NKAIN2: variants seen among roughly 807,000 people sequenced by gnomAD.
NKAIN2 encodes the protein sodium/potassium transporting ATPase interacting 2, also known as sodium/potassium-transporting ATPase subunit beta-1-interacting protein 2.
In NKAIN2, 14 loss-of-function variants were observed where a neutral mutation model predicts 32.6. The observed-to-expected ratio is 0.43, with a 90% CI of 0.28 to 0.67. The LOEUF is 0.67. Ranked by LOEUF, NKAIN2 falls within the 30% of genes least tolerant of loss-of-function variation. NKAIN2 has a pLI of 0.17. For synonymous variants in NKAIN2, 80 were observed against 87.2 expected (o/e 0.92, Z 0.46); for missense variants, 198 against 258.3 (o/e 0.77, Z 1.60).
chr6:124,608,467 T>C (rs1200083376), intron 3 of NKAIN2, among the ~76,000 whole-genome samples: 1 of 152,044 alleles, frequency 6.6e-6, no homozygotes, highest in Non-Finnish European at 1.5e-5. Context: ...CAAAGGACAA[T>C]AATTCAAATA....
chr6:124,104,490 G>A (rs537912814), intron 1 of NKAIN2, among the ~76,000 whole-genome samples: 1 of 152,106 alleles, frequency 6.6e-6, no homozygotes, highest in East Asian at 1.9e-4. Context: ...TATGGGTTAG[G>A]GGATTATGGA....
At chr6:124,086,980 C>T (rs1784215157) in intron 1 of NKAIN2, among the ~76,000 whole-genome samples, 1 of 151,710 alleles carries the variant, frequency 6.6e-6, no homozygotes, top group South Asian at 2.1e-4. Context: ...GAAAAGAAAC[C>T]ATAGGCTAAT....
intron 2 of NKAIN2, among the ~76,000 whole-genome samples, chr6:124,344,103 G>T (rs375622812): frequency 0.012 from 1,817 of 151,266 alleles, 34 homozygotes; most frequent in African/African-American, 0.04. Flanking sequence ...TTTCCCCATT[G>T]CTTGTTTTTC....
intron 1 of NKAIN2, among the ~76,000 whole-genome samples, chr6:124,177,034 CG>C (rs1302914020): frequency 5.3e-5 from 8 of 151,974 alleles, no homozygotes; most frequent in Non-Finnish European, 1.2e-4. Flanking sequence ...TTTCAGACTA[CG>C]TGTCCTACTT....
rs542338463 is a variant in NKAIN2, at chr6:124,165,785, C to A, written c.55-117220C>A. ...TGTGGTGTTTGGTTTTTTGTCCTTG[C>A]GATAGTTTACTGAGAATGATGATTT... On this transcript the variant is annotated intron_variant, in intron 1 of 6. Transcript: ENST00000368417. Among the ~76,000 whole-genome samples, 4 of 146,786 alleles carry A rather than the reference C, an allele frequency of 2.7e-5. No homozygotes were observed. In the East Asian group the frequency reaches 6.0e-4, roughly 22 times the overall value.
chr6:123,994,534 T>C (rs1328502327), intron 1 of NKAIN2, among the ~76,000 whole-genome samples: 2 of 152,244 alleles, frequency 1.3e-5, no homozygotes, highest in South Asian at 2.1e-4. Flanking sequence ...ACTTTTTCCC[T>C]GGGAGTTAGA....
chr6:124,604,526 C>T (rs1054214611), intron 3 of NKAIN2, among the ~76,000 whole-genome samples: 1 of 151,796 alleles, frequency 6.6e-6, no homozygotes, highest in Non-Finnish European at 1.5e-5. Flanking sequence ...TTCCTCACCT[C>T]ATCAGAATAG....
At chr6:124,557,508 T>C (rs1780520496) in intron 3 of NKAIN2, among the ~76,000 whole-genome samples, 1 of 152,096 alleles carries the variant, frequency 6.6e-6, no homozygotes, top group African/African-American at 2.4e-5. Context: ...ACAAAAAAAG[T>C]CCCTAAACTA....
At chr6:124,390,613 A>G (rs1773099725) in intron 3 of NKAIN2, 1 of 152,138 alleles carries the variant, frequency 6.6e-6, no homozygotes, top group South Asian at 2.1e-4. Flanking sequence ...TATTGACTAC[A>G]GAATAGATTA....
chr6:124,219,901 T>C (rs78538704), intron 1 of NKAIN2, among the ~76,000 whole-genome samples: 2,113 of 152,222 alleles, frequency 0.014, 53 homozygotes, highest in African/African-American at 0.049. Flanking sequence ...AAACAACAAA[T>C]TTAGATACGA....
intron 3 of NKAIN2, among the ~76,000 whole-genome samples, chr6:124,575,560 G>C (rs1781299566): frequency 6.6e-6 from 1 of 152,188 alleles, no homozygotes; most frequent in Non-Finnish European, 1.5e-5. Context: ...TCTGCATGAA[G>C]TGTGTGCTCT....
chr6:123,840,539 G>C (rs187119688), intron 1 of NKAIN2, among the ~76,000 whole-genome samples: 1 of 151,888 alleles, frequency 6.6e-6, no homozygotes, highest in Non-Finnish European at 1.5e-5. Context: ...TTTTAACTTC[G>C]TTATATTTTT....
chr6:124,239,987 T>G (rs536947026), intron 1 of NKAIN2, among the ~76,000 whole-genome samples: 1 of 152,122 alleles, frequency 6.6e-6, no homozygotes, highest in African/African-American at 2.4e-5. Context: ...AAAAAATAGA[T>G]AGACCACTAG....
intron 1 of NKAIN2, among the ~76,000 whole-genome samples, chr6:123,878,564 T>C (rs17086257): frequency 0.3 from 45,064 of 151,942 alleles, 7,379 homozygotes; most frequent in East Asian, 0.6. Context: ...TTTAAAACCC[T>C]TTTCCTGCAG....
chr6:124,658,960 A>AAT (rs1554246095), intron 4 of NKAIN2: 1 of 146,820 alleles, frequency 6.8e-6, no homozygotes, highest in Non-Finnish European at 1.5e-5. Flanking sequence ...TGTAACAATA[A>AAT]AAAAAAAAAA....
chr6:124,239,977 A>T (rs1353518871), intron 1 of NKAIN2, among the ~76,000 whole-genome samples: 1 of 152,194 alleles, frequency 6.6e-6, no homozygotes, highest in Non-Finnish European at 1.5e-5. Flanking sequence ...GAAAGGATTG[A>T]AAAAATAGAT....
At chr6:124,031,417 T>G (rs1408376017) in intron 1 of NKAIN2, among the ~76,000 whole-genome samples, 1 of 152,198 alleles carries the variant, frequency 6.6e-6, no homozygotes, top group Non-Finnish European at 1.5e-5. Context: ...CCTTCAGTTC[T>G]GCTCTGATCT....
At chr6:124,138,454 G>C (rs1047769310) in intron 1 of NKAIN2, among the ~76,000 whole-genome samples, 1 of 151,912 alleles carries the variant, frequency 6.6e-6, no homozygotes, top group African/African-American at 2.4e-5. Flanking sequence ...ACTAAAAGTA[G>C]AACTACCATT....
intron 3 of NKAIN2, among the ~76,000 whole-genome samples, chr6:124,521,416 T>C (rs1237621423): frequency 1.3e-5 from 2 of 152,208 alleles, no homozygotes; most frequent in African/African-American, 4.8e-5. Flanking sequence ...TTTTCTTCTT[T>C]AGTCATCATA....
Sources: gnomAD v4.1 joint callset for allele counts (sites outside exome capture counted in the v4.1 genomes callset) on GRCh38, gnomAD v4.1.1 for gene constraint, MANE v1.5 for transcripts, NCBI Gene and HGNC (gene_info 2026-07-23, HGNC 2026-07-21) for gene names.